Variants in CDH4 observed in about 807,000 individuals in gnomAD.
The protein encoded by CDH4 is cadherin-4.
A neutral mutation model predicts 86.0 loss-of-function variants in CDH4; 33 were observed. The ratio of observed to expected loss-of-function variants is 0.38; its 90% CI spans 0.29 to 0.51. The LOEUF (loss-of-function observed/expected upper bound fraction) is 0.51, where lower values mean the gene tolerates loss of function less well. CDH4 is among the 20% of genes least tolerant of loss of function. The pLI is 0.86. For synonymous variants in CDH4, 555 were observed against 549.4 expected, an observed-to-expected ratio of 1.01 and a Z score of -0.14; for missense variants, 1,114 against 1,307.4, an observed-to-expected ratio of 0.85 and a Z score of 2.28.
At chr20:61,736,759 T>C (rs994149394) in intron 2 of CDH4, among the ~76,000 whole-genome samples, 3 of 152,142 alleles carry the variant, frequency 2.0e-5, no homozygotes, top group East Asian at 1.9e-4. Flanking sequence ...GGGAGCAGAA[T>C]TGGCATGAGT....
At position 61,807,324 on chromosome 20, in the gene CDH4, G is replaced by A. The variant is rs1010166044; in HGVS notation, c.576+34142G>A. The stretch of plus-strand genomic sequence containing the variant: ...CCAGACCCAGCCTTGCTGTGGCCCC[G>A]CTGGGGTCTTTGGATCTCAGGAGAG... On this transcript the variant is annotated intron_variant, in intron 4 of 15. Transcript: ENST00000614565. This position sits in a 1 kb window ranked among gnomAD's most constrained non-coding sequence, Gnocchi z 4.5. 1.4e-4 allele frequency among the ~76,000 whole-genome samples: 21 copies of A among 152,246 alleles called. No homozygotes were observed. Among genetic ancestry groups the A allele is most frequent in the African/African-American group, 4.6e-4 (19 of 41,470 alleles).
At chr20:61,388,623 G>A (rs978859009) in intron 2 of CDH4, among the ~76,000 whole-genome samples, 5 of 152,242 alleles carry the variant, frequency 3.3e-5, no homozygotes, top group Middle Eastern at 3.4e-3. Flanking sequence ...CTATTCTGTC[G>A]TTAGCGTTTT....
intron 2 of CDH4, among the ~76,000 whole-genome samples, chr20:61,397,198 C>T (rs539508849): frequency 6.6e-6 from 1 of 152,192 alleles, no homozygotes; most frequent in African/African-American, 2.4e-5. Context: ...GTGTGCACCA[C>T]CGCAACTGGC....
chr20:61,515,419 C>G (rs920339205), intron 2 of CDH4, among the ~76,000 whole-genome samples: 1 of 152,256 alleles, frequency 6.6e-6, no homozygotes, highest in Non-Finnish European at 1.5e-5. Context: ...CTGGGCTCAT[C>G]AGCTTAGATC....
chr20:61,645,316 A>AGCAAGTTCATAGTTAAAAAGTGATT (rs1173481704), intron 2 of CDH4, among the ~76,000 whole-genome samples: 1 of 152,234 alleles, frequency 6.6e-6, no homozygotes, highest in Non-Finnish European at 1.5e-5. Flanking sequence ...CTCTCTGAGC[A>AGCAAGTTCATAGTTAAAAAGTGATT]GCAAGTTCAT....
intron 2 of CDH4, among the ~76,000 whole-genome samples, chr20:61,457,124 G>A (rs191205436): frequency 2.0e-5 from 3 of 152,276 alleles, no homozygotes; most frequent in South Asian, 2.1e-4. Context: ...AAGGACCTCC[G>A]TGAGGTTCAC....
chr20:61,796,788 A>C (rs936414581), intron 4 of CDH4, among the ~76,000 whole-genome samples: 2 of 152,120 alleles, frequency 1.3e-5, no homozygotes, highest in East Asian at 3.9e-4. Flanking sequence ...GAAATGCTAG[A>C]AACTGGAGTA....
chr20:61,587,472 G>C (rs2086487085), intron 2 of CDH4, among the ~76,000 whole-genome samples: 1 of 152,162 alleles, frequency 6.6e-6, no homozygotes, highest in South Asian at 2.1e-4. Flanking sequence ...CTGAGGCCTG[G>C]GTCTTCCTGC....
chr20:61,256,213 T>C (rs1172711924), intron 2 of CDH4, among the ~76,000 whole-genome samples: 2 of 152,156 alleles, frequency 1.3e-5, no homozygotes, highest in African/African-American at 2.4e-5. Flanking sequence ...TCACTCTCAG[T>C]GCGTTGGACG....
rs546561065 is a variant in CDH4, at chr20:61,689,654, T to A, written c.170-53909T>A. Among the ~76,000 whole-genome samples, 21 of 145,212 alleles carry A rather than the reference T, an allele frequency of 1.4e-4. 1 individual carries two copies. The East Asian group carries it at 3.8e-3, about 26-fold the overall frequency. The stretch of plus-strand genomic sequence containing the variant: ...AGTGGTTGGTGAGGTGATGTGGAAT[T>A]GGCCTGGGACATTGTTTGGTGAAGT... On this transcript the variant is annotated intron_variant, in intron 2 of 15. Transcript: ENST00000614565.
rs6061896 is a variant in CDH4 at position 61,924,519 on chromosome 20, C to T, written c.1771+43C>T. ...GAGGCAGCCGTCTCGGTGGCCTTCCCGTGTCCTGGGTTCTGTGGGCGAGGG... is the reference window on the plus strand; with the variant it reads ...GAGGCAGCCGTCTCGGTGGCCTTCCTGTGTCCTGGGTTCTGTGGGCGAGGG... On this transcript the variant is annotated intron_variant, in intron 11 of 15. Transcript: ENST00000614565. 8,636 of 1,593,210 alleles carry T rather than the reference C, an allele frequency of 5.4e-3. 375 individuals carry two copies. The African/African-American group carries it at 0.099, about 18-fold the overall frequency.
chr20:61,666,563 C>T (rs1364846589), intron 2 of CDH4, among the ~76,000 whole-genome samples: 1 of 152,240 alleles, frequency 6.6e-6, no homozygotes, highest in East Asian at 1.9e-4. Flanking sequence ...AATTCAGAGT[C>T]CACATGGAGG....
At chr20:61,456,012 G>A (rs2085405030) in intron 2 of CDH4, among the ~76,000 whole-genome samples, 1 of 151,880 alleles carries the variant, frequency 6.6e-6, no homozygotes, top group South Asian at 2.1e-4. Context: ...GATATATGGA[G>A]GGAGGGAGAG....
intron 2 of CDH4, among the ~76,000 whole-genome samples, chr20:61,547,272 G>C (rs918305334): frequency 7.4e-4 from 106 of 143,876 alleles, no homozygotes; most frequent in Non-Finnish European, 1.2e-3. Context: ...GAGTGCAGTG[G>C]CTGGATCTCG....
At chr20:61,866,951 C>G (rs995925805) in intron 6 of CDH4, among the ~76,000 whole-genome samples, 1 of 152,220 alleles carries the variant, frequency 6.6e-6, no homozygotes, top group African/African-American at 2.4e-5. Flanking sequence ...AGGGGCCTCC[C>G]AAAGAGGGGC....
chr20:61,796,951 G>A (rs1352459279), intron 4 of CDH4, among the ~76,000 whole-genome samples: 9 of 152,116 alleles, frequency 5.9e-5, no homozygotes, highest in African/African-American at 1.2e-4. Context: ...TGCCCATGCC[G>A]GCTTGCTTGG....
chr20:61,762,497 G>T (rs922519600), intron 3 of CDH4, among the ~76,000 whole-genome samples: 1 of 152,220 alleles, frequency 6.6e-6, no homozygotes, highest in Non-Finnish European at 1.5e-5. Context: ...GCTCACAGGG[G>T]TGTGTGGAGC....
intron 2 of CDH4, among the ~76,000 whole-genome samples, chr20:61,651,639 A>T (rs1485371006): frequency 2.0e-5 from 3 of 152,146 alleles, no homozygotes; most frequent in Non-Finnish European, 2.9e-5. Flanking sequence ...GCAGGTGGCC[A>T]TCGGGGGCCA....
In CDH4 at chr20:61,572,867, G is replaced by GGACA. The variant is rs879275879; in HGVS notation, c.170-170689_170-170686dup. 2.1e-5 allele frequency among the ~76,000 whole-genome samples: 3 copies of GGACA among 142,948 alleles called. No individual in the cohort carries two copies. In the East Asian group the frequency reaches 5.8e-4, roughly 28 times the overall value. The allele number at this position is 142,948 out of a possible 152,430, so 93.8% of individuals were successfully genotyped here. A position where few individuals can be genotyped will look rare whatever the true frequency, so the allele number is the denominator to read the frequency against. On this transcript the variant is annotated intron_variant, in intron 2 of 15. Transcript: ENST00000614565. ...TGGATGGATGGATGGATGGATGGATGGACAGACAGAGGGAGAGATGGATGG... is the reference window on the plus strand; with the variant it reads ...TGGATGGATGGATGGATGGATGGATGGACAGACAGACAGAGGGAGAGATGGATGG...
Sources: gnomAD v4.1 joint callset for allele counts (sites outside exome capture counted in the v4.1 genomes callset) on GRCh38, gnomAD v4.1.1 for gene constraint, Gnocchi (gnomAD v3.1) non-coding constraint, MANE v1.5 for transcripts, NCBI Gene and HGNC (gene_info 2026-07-23, HGNC 2026-07-21) for gene names.